KCNQ5: variants seen among roughly 807,000 people sequenced by gnomAD.
KCNQ5 encodes the protein potassium voltage-gated channel subfamily KQT member 5.
In KCNQ5, 30 loss-of-function variants were observed where a neutral mutation model predicts 98.2. The ratio of observed to expected loss-of-function variants is 0.31; its 90% CI spans 0.23 to 0.41. KCNQ5 has a LOEUF of 0.41. KCNQ5 is among the 10% of genes least tolerant of loss of function. The probability of loss-of-function intolerance (pLI) is 1.00; values close to 1 mark genes in which losing one functional copy is unlikely to be tolerated. For missense variants in KCNQ5, 835 were observed against 1,182.5 expected, an observed-to-expected ratio of 0.71 and a Z score of 4.31; for synonymous variants, 458 against 449.4, an observed-to-expected ratio of 1.02 and a Z score of -0.24.
intron 1 of KCNQ5, among the ~76,000 whole-genome samples, chr6:72,865,278 C>T (rs1777931410): frequency 6.6e-6 from 1 of 152,314 alleles, no homozygotes; most frequent in East Asian, 1.9e-4. Context: ...CGTATAGACT[C>T]TATTTCATTC....
intron 1 of KCNQ5, among the ~76,000 whole-genome samples, chr6:72,692,644 C>T (rs1182159531): frequency 3.9e-5 from 6 of 152,192 alleles, no homozygotes; most frequent in Non-Finnish European, 5.9e-5. Flanking sequence ...ATGGGCTCTG[C>T]AGGAAAAGTG....
intron 1 of KCNQ5, among the ~76,000 whole-genome samples, chr6:72,674,769 CTAAATAAATAAA>C (rs999604879): frequency 6.6e-6 from 1 of 151,766 alleles, no homozygotes; most frequent in Non-Finnish European, 1.5e-5. Flanking sequence ...GATCCTGTCT[CTAAATAAATAAA>C]TAAATAAATA....
chr6:72,811,534 C>T (rs1775240870), intron 1 of KCNQ5, among the ~76,000 whole-genome samples: 1 of 152,184 alleles, frequency 6.6e-6, no homozygotes, highest in Admixed American at 6.5e-5. Context: ...ATGCTATATT[C>T]TACCAGTAGT....
intron 5 of KCNQ5, among the ~76,000 whole-genome samples, chr6:73,089,775 G>GTATA (rs70994160): frequency 0.01 from 1,538 of 150,560 alleles, 17 homozygotes; most frequent in African/African-American, 0.028. Flanking sequence ...ATTCCATCAT[G>GTATA]TATATATATA....
intron 5 of KCNQ5, among the ~76,000 whole-genome samples, chr6:73,101,766 A>T (rs1304063167): frequency 6.6e-6 from 1 of 152,186 alleles, no homozygotes; most frequent in Non-Finnish European, 1.5e-5. Context: ...AAAAAAAGGA[A>T]AGATATTTCA....
At chr6:73,009,530 G>C (rs1446399285) in intron 2 of KCNQ5, among the ~76,000 whole-genome samples, 1 of 151,962 alleles carries the variant, frequency 6.6e-6, no homozygotes, top group Admixed American at 6.6e-5. Flanking sequence ...AAAGGAAACA[G>C]TAAACATGGA....
At chr6:73,094,787 TCTG>T (rs1774409411) in intron 5 of KCNQ5, among the ~76,000 whole-genome samples, 1 of 152,330 alleles carries the variant, frequency 6.6e-6, no homozygotes, top group Middle Eastern at 3.4e-3. Flanking sequence ...TGCTGAGAAA[TCTG>T]CTGTTAATCT....
chr6:72,774,931 T>C (rs981715461), intron 1 of KCNQ5, among the ~76,000 whole-genome samples: 1 of 152,180 alleles, frequency 6.6e-6, no homozygotes. Context: ...GAGGTGATCA[T>C]AGGTGTCCTT....
At chr6:72,962,615 T>C (rs528876125) in intron 1 of KCNQ5, among the ~76,000 whole-genome samples, 1 of 152,126 alleles carries the variant, frequency 6.6e-6, no homozygotes, top group Non-Finnish European at 1.5e-5. Context: ...CAGAGGGACA[T>C]AGAGAATCAC....
chr6:73,177,100 A>T (rs546074983), intron 11 of KCNQ5, among the ~76,000 whole-genome samples: 1 of 152,366 alleles, frequency 6.6e-6, no homozygotes, highest in East Asian at 1.9e-4. Flanking sequence ...TAGGAGGCAG[A>T]TGTCAACGCT....
intron 1 of KCNQ5, among the ~76,000 whole-genome samples, chr6:72,911,158 C>T (rs888885995): frequency 3.3e-5 from 5 of 152,114 alleles, no homozygotes; most frequent in African/African-American, 4.8e-5. Context: ...CTTAAATGTA[C>T]GGAATGGAGA....
intron 1 of KCNQ5, among the ~76,000 whole-genome samples, chr6:72,981,283 G>A (rs1406279217): frequency 1.3e-5 from 2 of 152,046 alleles, no homozygotes; most frequent in East Asian, 3.9e-4. Flanking sequence ...GAATCCTTCT[G>A]GTCCTGGACT....
intron 3 of KCNQ5, among the ~76,000 whole-genome samples, chr6:73,076,326 C>G (rs991856847): frequency 1.3e-5 from 2 of 152,204 alleles, no homozygotes; most frequent in Non-Finnish European, 1.5e-5. Context: ...GAAGCCCAGT[C>G]ATGCACAACC....
intron 3 of KCNQ5, among the ~76,000 whole-genome samples, chr6:73,054,858 A>C (rs899322813): frequency 2.0e-5 from 3 of 152,230 alleles, no homozygotes; most frequent in Admixed American, 6.5e-5. Flanking sequence ...ATCAGGCAAG[A>C]GAAAGATATA....
Position 73,198,069 on chromosome 6 carries a change from G to A in KCNQ5, c.*2655G>A, listed in dbSNP as rs1477392483. ...GGTTCTGTCTGTCGTGTTACTCTCT[G>A]TGGAAATGAGAGGGGTCTCCCATTT... On this transcript the variant is annotated 3_prime_UTR_variant, in exon 14 of 14. Coordinates refer to ENST00000370398, the MANE Select transcript of KCNQ5 (RefSeq NM_019842.4). 1 of 152,188 alleles carries A rather than the reference G, an allele frequency of 6.6e-6. No homozygotes were observed. Among genetic ancestry groups the A allele is most frequent in the African/African-American group, 2.4e-5 (1 of 41,452 alleles). 9.4% of individuals were successfully genotyped at this position (152,188 alleles called of 1,614,324 possible).
intron 2 of KCNQ5, among the ~76,000 whole-genome samples, chr6:73,030,745 A>G (rs1771108735): frequency 6.6e-6 from 1 of 152,162 alleles, no homozygotes; most frequent in Non-Finnish European, 1.5e-5. Context: ...AGGGGCAGGG[A>G]AACAAAGCAA....
At chr6:73,008,821 C>T (rs1769930917) in intron 2 of KCNQ5, among the ~76,000 whole-genome samples, 1 of 152,114 alleles carries the variant, frequency 6.6e-6, no homozygotes, top group Non-Finnish European at 1.5e-5. Context: ...TTATGTTATT[C>T]ATATGCCATT....
Position 72,785,166 on chromosome 6 carries a change from AT to A in KCNQ5, c.398+162580del, listed in dbSNP as rs1026773358. 1.5e-4 allele frequency among the ~76,000 whole-genome samples: 23 copies of A among 152,278 alleles called. 1 individual carries two copies. In the East Asian group the frequency reaches 3.3e-3, roughly 22 times the overall value. ...ATCGTTGAAGACAAACAGAAAAAAA[AT>A]ATTTTAGAATTAACACAGAGTATTT... On this transcript the variant is annotated intron_variant, in intron 1 of 13. Transcript: ENST00000370398.
chr6:72,895,382 G>C (rs1238437932), intron 1 of KCNQ5, among the ~76,000 whole-genome samples: 1 of 151,296 alleles, frequency 6.6e-6, no homozygotes, highest in Non-Finnish European at 1.5e-5. Flanking sequence ...ACTACAGAAG[G>C]GCTGTGAAAT....
Sources: gnomAD v4.1 joint callset for allele counts (sites outside exome capture counted in the v4.1 genomes callset) on GRCh38, gnomAD v4.1.1 for gene constraint, MANE v1.5 for transcripts, NCBI Gene and HGNC (gene_info 2026-07-23, HGNC 2026-07-21) for gene names.